URB1: variants seen among roughly 807,000 people sequenced by gnomAD.
URB1 encodes nucleolar pre-ribosomal-associated protein 1.
A neutral mutation model predicts 242.3 loss-of-function variants in URB1; 197 were observed. The observed-to-expected ratio is 0.81, with a 90% CI of 0.72 to 0.91. URB1 has a LOEUF of 0.91. Ranked by LOEUF, URB1 falls within the 40% of genes least tolerant of loss-of-function variation. The pLI, the probability that URB1 is intolerant of heterozygous loss-of-function variation, is 0.00. For missense variants in URB1, 2,721 were observed against 2,860.5 expected (o/e 0.95, Z 1.11); for synonymous variants, 1,153 against 1,201.8 (o/e 0.96, Z 0.84).
rs2033123598 is a variant in URB1 at position 32,348,808 on chromosome 21, A to G, written c.3012+496T>C. Among the ~76,000 whole-genome samples, 3 of 152,258 alleles carry G rather than the reference A, an allele frequency of 2.0e-5. No homozygotes were observed. The South Asian group carries it at 6.2e-4, about 32-fold the overall frequency. On this transcript the variant is annotated intron_variant, in intron 21 of 38. Coordinates refer to ENST00000382751, the MANE Select transcript of URB1 (RefSeq NM_014825.3). ...TCAAAGGAAAAAAGTGTATATTTCA[A>G]TTAGATTGTGCAACAAGGAACGTGT...
intron 27 of URB1, 30 bp from the exon 28 acceptor site, chr21:32,337,187 A>G: frequency 6.4e-7 from 1 of 1,550,692 alleles, no homozygotes; most frequent in South Asian, 1.2e-5. Flanking sequence ...CGGTTTAGGA[A>G]GATGAACCCC....
intron 4 of URB1, among the ~76,000 whole-genome samples, chr21:32,381,540 A>G (rs188775004): frequency 1.0e-3 from 156 of 152,256 alleles, no homozygotes; most frequent in African/African-American, 3.7e-3. Context: ...GATCAAAGAT[A>G]TTTAAGAAAC....
Position 32,347,455 on chromosome 21 carries a change from G to A in URB1, c.3369C>T (p.Val1123=). 6.4e-7 allele frequency: 1 copy of A among 1,550,972 alleles called. No individual in the cohort carries two copies. The highest frequency in any genetic ancestry group is 8.7e-7 in the Non-Finnish European group (1 of 1,146,596). Residue 1123 remains valine (V), a synonymous_variant, in exon 22 of 39, where the codon GTC becomes GTT. Coordinates refer to ENST00000382751, the MANE Select transcript of URB1 (RefSeq NM_014825.3). ...CAGGCAGGCTCAGCAAGGCCAGGGT[G>A]ACCTCACGGAGCTGGGCACCCTCCA... ...PYMEGAQLRE[V]TLALLSLPET...
Position 32,347,064 on chromosome 21 carries a change from G to T in URB1, c.3760C>A (p.Gln1254Lys). The change falls in exon 22 of 39, where the codon CAG becomes AAG. Residue 1254 changes from glutamine to lysine, a missense_variant. By Grantham distance (53) the Gln-to-Lys change is moderately conservative. Transcript: ENST00000382751. Reference sequence around the variant, plus strand: ...TGGAGGCCGAGCCCTGGGCCAGCCTGCAGGCACCACTGCTCGAACCACAGC... The same window carrying T: ...TGGAGGCCGAGCCCTGGGCCAGCCTTCAGGCACCACTGCTCGAACCACAGC... ...HLLWFEQWCL[Q>K]AGPGLGLQGD... 6.4e-7 allele frequency: 1 copy of T among 1,550,462 alleles called. No individual in the cohort carries two copies. Among genetic ancestry groups the T allele is most frequent in the Non-Finnish European group, 8.7e-7 (1 of 1,146,510 alleles).
chr21:32,361,197 A>G (rs74879084), intron 12 of URB1, 74 bp from the exon 13 acceptor site: 1 of 901,606 alleles, frequency 1.1e-6, no homozygotes, highest in Non-Finnish European at 1.6e-6. Context: ...GAAAGAAAGA[A>G]AGAAAGAAAA....
Position 32,319,348 on chromosome 21 carries a change from C to T in URB1, c.5661G>A (p.Leu1887=). The T allele has an allele frequency of 1.9e-6, 3 of 1,551,184 alleles. No individual in the cohort carries two copies. Among genetic ancestry groups the T allele is most frequent in the Non-Finnish European group, 1.7e-6 (2 of 1,146,742 alleles). The change falls in exon 36 of 39, where the codon CTG becomes CTA. Residue 1887 remains leucine (L), a synonymous_variant. Transcript: ENST00000382751. ...TCTCCCACTCCACTGCCTTGTCCCC[C>T]AGGTTGGTCACCCACAGTGTGTGTA... ...SLLHTLWVTN[L]GDKAVEWESQ...
intron 13 of URB1, 89 bp downstream of exon 13, chr21:32,360,918 A>G (rs1234134098): frequency 1.1e-6 from 1 of 909,662 alleles, no homozygotes; most frequent in African/African-American, 1.7e-5. Context: ...CCAACCGTCC[A>G]CCAGCCTTCC....
intron 5 of URB1, among the ~76,000 whole-genome samples, chr21:32,376,594 C>G (rs960859455): frequency 6.6e-6 from 1 of 151,952 alleles, no homozygotes; most frequent in Non-Finnish European, 1.5e-5. Flanking sequence ...ATAGTTTACA[C>G]CCAATCATAT....
intron 31 of URB1, 71 bp downstream of exon 31, chr21:32,325,158 G>A (rs962788239): frequency 2.0e-5 from 29 of 1,475,774 alleles, no homozygotes; most frequent in Non-Finnish European, 2.5e-5. Flanking sequence ...CTACCAAACC[G>A]GGTGGACAGC....
intron 24 of URB1, among the ~76,000 whole-genome samples, chr21:32,343,543 T>C (rs778387288): frequency 1.3e-5 from 2 of 152,212 alleles, no homozygotes; most frequent in Non-Finnish European, 2.9e-5. Flanking sequence ...TTTGAGAAGA[T>C]GCACAAGAAA....
intron 10 of URB1, among the ~76,000 whole-genome samples, chr21:32,364,486 C>T (rs931317528): frequency 3.9e-5 from 6 of 152,204 alleles, no homozygotes; most frequent in African/African-American, 9.6e-5. Flanking sequence ...TCAATAACCA[C>T]GACACCCCAG....
At chr21:32,344,984 C>A (rs118080576) in intron 23 of URB1, among the ~76,000 whole-genome samples, 1 of 152,172 alleles carries the variant, frequency 6.6e-6, no homozygotes, top group East Asian at 1.9e-4. Flanking sequence ...GAAAAGGACA[C>A]GTATGTCCAG....
chr21:32,327,750 T>A (rs1005804730), intron 30 of URB1, among the ~76,000 whole-genome samples: 4 of 152,248 alleles, frequency 2.6e-5, no homozygotes, highest in Non-Finnish European at 5.9e-5. Flanking sequence ...AATGGATCTA[T>A]ACTGTTACAA....
In URB1 at chr21:32,316,913, A is replaced by C; in HGVS notation, c.6187T>G (p.Leu2063Val). ...ETCKGLLRSILTYWRPVIPGP... is the reference protein window; with the variant it reads ...ETCKGLLRSIVTYWRPVIPGP... Reference sequence around the variant, plus strand: ...GGGATCACTGGTCTCCAGTAAGTCAAGATGGACCTCAGGAGGCCCTTGCAT... The same window carrying C: ...GGGATCACTGGTCTCCAGTAAGTCACGATGGACCTCAGGAGGCCCTTGCAT... Residue 2063 changes from leucine (L) to valine (V), a missense_variant, in exon 38 of 39, where the codon TTG (leucine) becomes GTG (valine). Coordinates refer to ENST00000382751, the MANE Select transcript of URB1 (RefSeq NM_014825.3). The C allele has an allele frequency of 6.4e-7, 1 of 1,551,714 alleles. No homozygotes were observed. Among genetic ancestry groups the C allele is most frequent in the African/African-American group, 1.4e-5 (1 of 73,176 alleles).
chr21:32,344,702 C>G lies in URB1; in HGVS notation c.4125G>C (p.Leu1375=). ...CCAAAAGGGTCCTTCTCCAGGCACACAGCTCTTCTGCTGACCCTTCCAGAG... is the reference window on the plus strand; with the variant it reads ...CCAAAAGGGTCCTTCTCCAGGCACAGAGCTCTTCTGCTGACCCTTCCAGAG... ...SAALEGSAEE[L]CAWRRTLLES... The change falls in exon 24 of 39, where the codon CTG becomes CTC. Residue 1375 remains leucine (L), a synonymous_variant. Coordinates refer to ENST00000382751, the MANE Select transcript of URB1 (RefSeq NM_014825.3). The G allele has an allele frequency of 6.4e-7, 1 of 1,552,266 alleles. No individual in the cohort carries two copies. The highest frequency in any genetic ancestry group is 8.7e-7 in the Non-Finnish European group (1 of 1,147,146).
intron 30 of URB1, among the ~76,000 whole-genome samples, chr21:32,327,395 T>TA (rs2032841830): frequency 6.6e-6 from 1 of 152,144 alleles, no homozygotes. Flanking sequence ...TTTCAAAAGT[T>TA]AAGACTTTTT....
Position 32,390,072 on chromosome 21 carries a change from G to T in URB1, c.142+2697C>A, listed in dbSNP as rs187832530. Among the ~76,000 whole-genome samples the T allele has an allele frequency of 9.5e-4, 144 of 152,284 alleles. 1 individual carries two copies. The highest frequency in any genetic ancestry group is 7.1e-3 in the Admixed American group (109 of 15,300). ...AGAGGAGGAGAGAATCCAAGATACA[G>T]ACCAGATTCAAACACAAGTTCAACA... On this transcript the variant is annotated intron_variant, in intron 1 of 38. Transcript: ENST00000382751.
chr21:32,381,745 C>T (rs1274879512), intron 4 of URB1, among the ~76,000 whole-genome samples: 1 of 152,276 alleles, frequency 6.6e-6, no homozygotes, highest in South Asian at 2.1e-4. Flanking sequence ...AGAGTACATG[C>T]TGAAATATTT....
chr21:32,350,045 C>A (rs964013695), intron 20 of URB1, among the ~76,000 whole-genome samples: 1 of 151,546 alleles, frequency 6.6e-6, no homozygotes, highest in East Asian at 1.9e-4. Context: ...ACAGCTTGAA[C>A]CCGGGAGGCA....
Sources: allele counts gnomAD v4.1 joint callset (sites outside exome capture counted in the v4.1 genomes callset), GRCh38; gene constraint gnomAD v4.1.1; transcripts MANE v1.5; gene names NCBI Gene and HGNC (gene_info 2026-07-23, HGNC 2026-07-21).